Variants in LPP observed in about 807,000 individuals in gnomAD.
The protein encoded by LPP is lipoma-preferred partner.
In LPP, 38 loss-of-function variants were observed where a neutral mutation model predicts 60.4. The observed-to-expected ratio is 0.63, with a 90% CI of 0.49 to 0.83. The LOEUF is 0.83. Among genes scored for constraint, LPP ranks in the 40% least tolerant of loss-of-function variants. The pLI is 0.00. For missense variants in LPP, 902 were observed against 783.6 expected (o/e 1.15, Z -1.80); for synonymous variants, 328 against 290.8 (o/e 1.13, Z -1.30).
chr3:188,418,091 T>C (rs1786811730), intron 4 of LPP, among the ~76,000 whole-genome samples: 1 of 152,190 alleles, frequency 6.6e-6, no homozygotes, highest in Non-Finnish European at 1.5e-5. Flanking sequence ...TAATATCTAG[T>C]TTAATCACCA....
chr3:188,877,853 T>A lies in LPP; in HGVS notation c.*3374T>A, dbSNP rs1289531339. 1 of 215,244 alleles carries A rather than the reference T, an allele frequency of 4.6e-6. No homozygotes were observed. The highest frequency in any genetic ancestry group is 9.4e-6 in the Non-Finnish European group (1 of 106,720). 13.3% of individuals were successfully genotyped at this position (215,244 alleles called of 1,614,324 possible). A position where few individuals can be genotyped will look rare whatever the true frequency, so the allele number is the denominator to read the frequency against. On this transcript the variant is annotated 3_prime_UTR_variant, in exon 12 of 12. Coordinates refer to ENST00000617246, the MANE Select transcript of LPP (RefSeq NM_001375462.1). The stretch of plus-strand genomic sequence containing the variant: ...AGCTCAAAGATGTGGGTTCTTTTTC[T>A]TGTCATTAACACATTGTTATTTCTG...
intron 3 of LPP, among the ~76,000 whole-genome samples, chr3:188,378,967 G>A (rs114700263): frequency 9.2e-5 from 14 of 152,318 alleles, no homozygotes; most frequent in Non-Finnish European, 1.9e-4. Context: ...AGAAGGGGAA[G>A]GGTGTGGGCA....
rs1317601255 is a variant in LPP at position 188,876,132 on chromosome 3, G to GT, written c.*1661dup. The GT allele has an allele frequency of 9.0e-5, 17 of 188,558 alleles. No individual in the cohort carries two copies. Among genetic ancestry groups the GT allele is most frequent in the South Asian group, 1.9e-4 (1 of 5,132 alleles). 11.7% of individuals were successfully genotyped at this position (188,558 alleles called of 1,614,324 possible). On this transcript the variant is annotated 3_prime_UTR_variant, in exon 12 of 12. Transcript: ENST00000617246. ...TTGTGAAGTGATGTTCAGATTTCTA[G>GT]TTTTTTTTCTAGTTTTTAATTTTAA...
chr3:188,713,913 A>AT (rs1287194425), intron 8 of LPP, among the ~76,000 whole-genome samples: 2 of 151,582 alleles, frequency 1.3e-5, no homozygotes, highest in Non-Finnish European at 1.5e-5. Flanking sequence ...TTTTTTTCTT[A>AT]TTTTTTACCA....
chr3:188,410,954 C>T (rs920460593), intron 4 of LPP, among the ~76,000 whole-genome samples: 2 of 152,174 alleles, frequency 1.3e-5, no homozygotes, highest in Admixed American at 6.5e-5. Flanking sequence ...CATAGCTTAG[C>T]TCCCACTTAT....
chr3:188,534,431 C>A (rs192674920), intron 6 of LPP, among the ~76,000 whole-genome samples: 17 of 152,332 alleles, frequency 1.1e-4, no homozygotes, highest in Admixed American at 1.0e-3. Context: ...TGCAGAAGCA[C>A]ACATCACATT....
At chr3:188,676,461 G>A (rs1387737286) in intron 7 of LPP, among the ~76,000 whole-genome samples, 1 of 148,966 alleles carries the variant, frequency 6.7e-6, no homozygotes, top group African/African-American at 2.5e-5. Flanking sequence ...TCCAAAAAAC[G>A]TGTATTTTCT....
At chr3:188,779,641 T>A (rs1025771164) in intron 9 of LPP, among the ~76,000 whole-genome samples, 4 of 151,660 alleles carry the variant, frequency 2.6e-5, no homozygotes, top group Non-Finnish European at 5.9e-5. Flanking sequence ...GCAAAAAAAA[T>A]GGATGCCATT....
intron 6 of LPP, among the ~76,000 whole-genome samples, chr3:188,592,392 A>G (rs1838928501): frequency 6.6e-6 from 1 of 151,830 alleles, no homozygotes; most frequent in Non-Finnish European, 1.5e-5. Flanking sequence ...ACACACACTT[A>G]CACACAGATA....
intron 2 of LPP, among the ~76,000 whole-genome samples, chr3:188,325,107 A>C (rs1459694153): frequency 6.6e-6 from 1 of 151,838 alleles, no homozygotes. Flanking sequence ...CAGCCTCCCG[A>C]GTAGCTGGGA....
intron 9 of LPP, among the ~76,000 whole-genome samples, chr3:188,831,106 A>T (rs951433740): frequency 6.6e-6 from 1 of 152,170 alleles, no homozygotes; most frequent in Non-Finnish European, 1.5e-5. Context: ...TCATTCTGCT[A>T]TGTTTGCCAT....
At chr3:188,485,405 A>G (rs1225713139) in intron 5 of LPP, among the ~76,000 whole-genome samples, 3 of 152,218 alleles carry the variant, frequency 2.0e-5, no homozygotes, top group Admixed American at 6.5e-5. Context: ...TGATAGAATT[A>G]TTGTTATAGT....
intron 3 of LPP, among the ~76,000 whole-genome samples, chr3:188,401,587 CT>C (rs1308305971): frequency 1.3e-5 from 2 of 152,130 alleles, no homozygotes; most frequent in Admixed American, 6.6e-5. Flanking sequence ...TCTTTGAGCT[CT>C]TTGAGTAAAG....
At chr3:188,539,074 G>A (rs1824431660) in intron 6 of LPP, among the ~76,000 whole-genome samples, 1 of 152,124 alleles carries the variant, frequency 6.6e-6, no homozygotes, top group Non-Finnish European at 1.5e-5. Context: ...GGTGATTAAA[G>A]TATTCTGGAA....
Position 188,885,114 on chromosome 3 carries a change from C to A in LPP, c.*10635C>A, listed in dbSNP as rs57987024. ...AGCTGCGTCCCTCAGGAAGCTGTAC[C>A]TTTAGGGTGTGCTTTCCACTTTTTA... On this transcript the variant is annotated 3_prime_UTR_variant, in exon 12 of 12. Coordinates refer to ENST00000617246, the MANE Select transcript of LPP (RefSeq NM_001375462.1). The A allele has an allele frequency of 1.6e-4, 35 of 213,610 alleles. No homozygotes were observed. Among genetic ancestry groups the A allele is most frequent in the Admixed American group, 8.2e-4 (14 of 17,112 alleles). The allele number at this position is 213,610 out of a possible 1,614,324, so 13.2% of individuals were successfully genotyped here. A position where few individuals can be genotyped will look rare whatever the true frequency, so the allele number is the denominator to read the frequency against.
chr3:188,816,866 A>G (rs1166770029), intron 9 of LPP, among the ~76,000 whole-genome samples: 1 of 152,252 alleles, frequency 6.6e-6, no homozygotes, highest in African/African-American at 2.4e-5. Context: ...AGCACCGAAT[A>G]GGAATACAAG....
chr3:188,239,065 C>T (rs2149426718), intron 2 of LPP, among the ~76,000 whole-genome samples: 1 of 152,280 alleles, frequency 6.6e-6, no homozygotes, highest in South Asian at 2.1e-4. Flanking sequence ...TGTTTTTCAG[C>T]TCTAAGAGAT....
intron 10 of LPP, among the ~76,000 whole-genome samples, chr3:188,870,371 G>A (rs1374078855): frequency 6.6e-6 from 1 of 152,100 alleles, no homozygotes; most frequent in Non-Finnish European, 1.5e-5. Context: ...TGCATGTATG[G>A]AGGCTTTATT....
chr3:188,476,551 A>G (rs1462904606), intron 4 of LPP, among the ~76,000 whole-genome samples: 3 of 152,190 alleles, frequency 2.0e-5, no homozygotes, highest in Admixed American at 1.3e-4. Flanking sequence ...TTTCTTGAGA[A>G]AAGTTTAGTA....
Sources: gnomAD v4.1 joint callset for allele counts (sites outside exome capture counted in the v4.1 genomes callset) on GRCh38, gnomAD v4.1.1 for gene constraint, MANE v1.5 for transcripts, NCBI Gene and HGNC (gene_info 2026-07-23, HGNC 2026-07-21) for gene names.